The following ZNF782 variants were observed in gnomAD, a reference collection of about 807,000 sequenced individuals.
ZNF782 encodes the protein zinc finger protein 782.
A neutral mutation model predicts 13.0 loss-of-function variants in ZNF782; 12 were observed. The observed-to-expected ratio is 0.92, with a 90% CI of 0.59 to 1.50. The LOEUF is 1.50. Ranked by LOEUF, ZNF782 falls within the 40% of genes most tolerant of loss-of-function variation. ZNF782 has a pLI of 0.00. For missense variants in ZNF782, 770 were observed against 822.9 expected, an observed-to-expected ratio of 0.94 and a Z score of 0.79; for synonymous variants, 284 against 283.0, an observed-to-expected ratio of 1.00 and a Z score of -0.04.
At chr9:96,828,075 G>C (rs1850686032) in intron 4 of ZNF782, among the ~76,000 whole-genome samples, 1 of 152,188 alleles carries the variant, frequency 6.6e-6, no homozygotes, top group African/African-American at 2.4e-5. Context: ...TCTGCAGAAG[G>C]GTCTCCTGAG....
At chr9:96,820,240 T>C (rs1850365339) in intron 5 of ZNF782, among the ~76,000 whole-genome samples, 1 of 152,216 alleles carries the variant, frequency 6.6e-6, no homozygotes, top group Non-Finnish European at 1.5e-5. Flanking sequence ...TAGATTCTTA[T>C]ACAAATATAA....
the ZNF782 span, among the ~76,000 whole-genome samples, chr9:96,908,398 G>A: frequency 5.3e-5 from 8 of 152,234 alleles, no homozygotes; most frequent in African/African-American, 1.7e-4. Context: ...ACAAAGGAAT[G>A]AAGATATAAC....
At chr9:96,834,521 G>C (rs752694337) in intron 4 of ZNF782, among the ~76,000 whole-genome samples, 3 of 147,280 alleles carry the variant, frequency 2.0e-5, no homozygotes, top group Admixed American at 2.0e-4. Context: ...TCCTGTGACA[G>C]TGAGTTATTT....
chr9:96,843,863 A>C (rs958137211), intron 4 of ZNF782, among the ~76,000 whole-genome samples: 2 of 152,228 alleles, frequency 1.3e-5, no homozygotes, highest in Non-Finnish European at 2.9e-5. Context: ...AAGAGATGGC[A>C]AGAAAAAGTC....
chr9:96,820,218 G>GT (rs939115744), intron 5 of ZNF782, among the ~76,000 whole-genome samples: 1 of 152,204 alleles, frequency 6.6e-6, no homozygotes, highest in Non-Finnish European at 1.5e-5. Flanking sequence ...GCCGTAGGGA[G>GT]TAACGCTAGT....
At chr9:96,881,394 T>C in the ZNF782 span, among the ~76,000 whole-genome samples, 53 of 152,256 alleles carry the variant, frequency 3.5e-4, no homozygotes, top group Admixed American at 3.9e-4. Context: ...AAACATTTAA[T>C]GTTCTAAATT....
Position 96,827,111 on chromosome 9 carries a change from T to C in ZNF782, c.213A>G (p.Lys71=). Residue 71 remains lysine (K), a synonymous_variant, in exon 5 of 6, where the codon AAA becomes AAG. Transcript: ENST00000481138. ...EQGEDPWLLE[K]EKGFLSRNSP... ...AGTTCCTGCTTAGAAATCCTTTCTC[T>C]TTCTCTAATAACCATGGATCTTCTC... The C allele has an allele frequency of 6.2e-7, 1 of 1,612,384 alleles. No individual in the cohort carries two copies. The highest frequency in any genetic ancestry group is 1.1e-5 in the South Asian group (1 of 90,752).
At chr9:96,877,440 G>T (rs941556003), upstream of ZNF782, among the ~76,000 whole-genome samples, 5 of 152,222 alleles carry the variant, frequency 3.3e-5, no homozygotes, top group African/African-American at 9.6e-5. Context: ...GGGCGAAGCC[G>T]CCCCCGGACC....
the ZNF782 span, chr9:96,887,497 C>T: frequency 6.6e-6 from 1 of 152,056 alleles, no homozygotes; most frequent in African/African-American, 2.4e-5. Flanking sequence ...AACAAAAAAC[C>T]AAACATGATA....
the ZNF782 span, among the ~76,000 whole-genome samples, chr9:96,917,994 G>A: frequency 6.7e-6 from 1 of 149,680 alleles, no homozygotes; most frequent in South Asian, 2.1e-4. Context: ...CTTGCGCCTC[G>A]GTCTCCTGAA....
At chr9:96,853,724 G>A (rs1368286557) in intron 1 of ZNF782, among the ~76,000 whole-genome samples, 1 of 152,186 alleles carries the variant, frequency 6.6e-6, no homozygotes, top group Non-Finnish European at 1.5e-5. Context: ...CTGCAATGCT[G>A]GTTTTAGGCA....
chr9:96,901,137 G>A, the ZNF782 span, among the ~76,000 whole-genome samples: 1 of 150,302 alleles, frequency 6.7e-6, no homozygotes, highest in Non-Finnish European at 1.5e-5. Context: ...TCCAGCCTGG[G>A]CAACAGAGCA....
At chr9:96,874,063 G>A (rs1351120640) in intron 1 of ZNF782, among the ~76,000 whole-genome samples, 1 of 152,018 alleles carries the variant, frequency 6.6e-6, no homozygotes, top group African/African-American at 2.4e-5. Flanking sequence ...TTTAACTCTG[G>A]TATTGTGTGA....
chr9:96,919,012 TC>T, the ZNF782 span: 1 of 228,606 alleles, frequency 4.4e-6, no homozygotes, highest in Non-Finnish European at 1.0e-5. Context: ...AGAGTCAGAA[TC>T]CCCCAATGAA....
At chr9:96,902,966 C>G in the ZNF782 span, 2 of 151,118 alleles carry the variant, frequency 1.3e-5, no homozygotes, top group African/African-American at 4.9e-5. Flanking sequence ...TCACACCGGG[C>G]TAATTTTTCT....
the ZNF782 span, among the ~76,000 whole-genome samples, chr9:96,916,229 C>G: frequency 6.6e-6 from 1 of 151,888 alleles, no homozygotes; most frequent in African/African-American, 2.4e-5. Context: ...CAATGGCTCA[C>G]GCCTGTAATC....
At chr9:96,875,371 A>G (rs940001886) in intron 1 of ZNF782, 8 of 424,714 alleles carry the variant, frequency 1.9e-5, no homozygotes, top group Non-Finnish European at 2.9e-5. Flanking sequence ...TGTATGATTT[A>G]CCTAAGTTTC....
the ZNF782 span, among the ~76,000 whole-genome samples, chr9:96,921,845 A>C: frequency 2.1e-4 from 32 of 150,688 alleles, no homozygotes; most frequent in South Asian, 8.4e-4. Context: ...AGGCGCCCAC[A>C]ACCACGCCCA....
chr9:96,872,688 C>T (rs1851841640), intron 1 of ZNF782, among the ~76,000 whole-genome samples: 1 of 152,142 alleles, frequency 6.6e-6, no homozygotes, highest in Non-Finnish European at 1.5e-5. Flanking sequence ...ATCCATGCCT[C>T]TATGTAAGAC....
Sources: allele counts gnomAD v4.1 joint callset (sites outside exome capture counted in the v4.1 genomes callset), GRCh38; gene constraint gnomAD v4.1.1; transcripts MANE v1.5; gene names NCBI Gene and HGNC (gene_info 2026-07-23, HGNC 2026-07-21).